GRIA2: variants seen among roughly 807,000 people sequenced by gnomAD.
The protein encoded by GRIA2 is glutamate ionotropic receptor AMPA type subunit 2.
Under a neutral mutation model 97.3 loss-of-function variants are expected in GRIA2, and 14 were observed. The observed-to-expected ratio is 0.14, with a 90% CI of 0.10 to 0.23. GRIA2 has a LOEUF of 0.23. Ranked by LOEUF, GRIA2 falls within the 10% of genes least tolerant of loss-of-function variation. The probability of loss-of-function intolerance (pLI) is 1.00; values close to 1 mark genes in which losing one functional copy is unlikely to be tolerated. For missense variants in GRIA2, 558 were observed against 1,069.8 expected, an observed-to-expected ratio of 0.52 and a Z score of 6.67; for synonymous variants, 412 against 387.8, an observed-to-expected ratio of 1.06 and a Z score of -0.73.
intron 9 of GRIA2, 187 bp from the exon 10 acceptor site, chr4:157,335,484 G>A: frequency 1.7e-6 from 1 of 583,086 alleles, no homozygotes; most frequent in Non-Finnish European, 3.1e-6. Context: ...TATAGTGATA[G>A]ACATTCCGAG....
At chr4:157,359,186 T>C (rs1246396662) in intron 12 of GRIA2, among the ~76,000 whole-genome samples, 1 of 152,188 alleles carries the variant, frequency 6.6e-6, no homozygotes. Flanking sequence ...AGATAAATAT[T>C]CCTTTAATAA....
chr4:157,245,943 C>G (rs765916736), intron 2 of GRIA2, among the ~76,000 whole-genome samples: 1 of 152,042 alleles, frequency 6.6e-6, no homozygotes, highest in South Asian at 2.1e-4. Flanking sequence ...TCACAGAACA[C>G]GAATGTTTCC....
intron 3 of GRIA2, among the ~76,000 whole-genome samples, chr4:157,306,978 T>A (rs1179177523): frequency 6.6e-6 from 1 of 152,182 alleles, no homozygotes; most frequent in Non-Finnish European, 1.5e-5. Context: ...GATCTCTACA[T>A]GCCTCAGTTT....
chr4:157,313,667 A>G (rs977415433), intron 4 of GRIA2, among the ~76,000 whole-genome samples: 1 of 152,086 alleles, frequency 6.6e-6, no homozygotes, highest in African/African-American at 2.4e-5. Flanking sequence ...GATTGATTGA[A>G]TAAGGTCTCC....
At chr4:157,241,114 G>C (rs1363581211) in intron 2 of GRIA2, among the ~76,000 whole-genome samples, 1 of 152,074 alleles carries the variant, frequency 6.6e-6, no homozygotes, top group Non-Finnish European at 1.5e-5. Flanking sequence ...CTAAGAACGG[G>C]TATTTTGGTG....
intron 2 of GRIA2, among the ~76,000 whole-genome samples, chr4:157,257,305 G>A (rs1262668187): frequency 6.6e-6 from 1 of 151,822 alleles, no homozygotes; most frequent in South Asian, 2.1e-4. Context: ...ATATTTAATC[G>A]CCCTCTGAGG....
At chr4:157,312,951 G>C (rs1165485085) in intron 4 of GRIA2, 76 bp downstream of exon 4, 1 of 856,096 alleles carries the variant, frequency 1.2e-6, no homozygotes, top group Admixed American at 2.6e-5. Context: ...ATGTGTATTT[G>C]TGTAAGGTGC....
intron 12 of GRIA2, among the ~76,000 whole-genome samples, chr4:157,347,194 A>G (rs1391221904): frequency 6.6e-6 from 1 of 152,204 alleles, no homozygotes; most frequent in Admixed American, 6.5e-5. Flanking sequence ...TTGGTGATCC[A>G]ATGCTAAGGA....
chr4:157,322,410 C>A (rs1030670851), intron 6 of GRIA2, among the ~76,000 whole-genome samples: 3 of 152,082 alleles, frequency 2.0e-5, no homozygotes, highest in Non-Finnish European at 4.4e-5. Flanking sequence ...AATTCTTGAA[C>A]GCTAAATATT....
rs1264526926 is a variant in GRIA2, at chr4:157,362,964, T to A, written c.2572T>A (p.Ser858Thr). 6.2e-7 allele frequency: 1 copy of A among 1,613,522 alleles called. No homozygotes were observed. The highest frequency in any genetic ancestry group is 8.5e-7 in the Non-Finnish European group (1 of 1,179,592). The stretch of plus-strand genomic sequence containing the variant: ...AAAGAATGCACAGAATATTAACCCA[T>A]CTTCCTCGCAGAATTCACAGAATTT... Reference protein sequence around the residue: ...VAKNAQNINPSSSQNSQNFAT... With the variant: ...VAKNAQNINPTSSQNSQNFAT... The change falls in exon 15 of 16, where the codon TCT becomes ACT. Residue 858 changes from serine to threonine, a missense_variant. Around this residue, in one of 8 missense-constraint regions of GRIA2, gnomAD observed 54 missense variants for 82.1 expected, o/e 0.66. Coordinates refer to ENST00000264426, the MANE Select transcript of GRIA2 (RefSeq NM_001083619.3).
At chr4:157,272,371 C>G (rs533840820) in intron 2 of GRIA2, among the ~76,000 whole-genome samples, 2 of 152,080 alleles carry the variant, frequency 1.3e-5, no homozygotes, top group African/African-American at 4.8e-5. Context: ...ACCCCTAAAA[C>G]TGGAGAGACA....
chr4:157,327,244 G>A (rs1375053784), intron 6 of GRIA2, among the ~76,000 whole-genome samples: 1 of 152,024 alleles, frequency 6.6e-6, no homozygotes, highest in African/African-American at 2.4e-5. Flanking sequence ...ATAGATATTT[G>A]TAGGGATGAA....
At chr4:157,289,213 A>G (rs536057979) in intron 2 of GRIA2, among the ~76,000 whole-genome samples, 37 of 152,046 alleles carry the variant, frequency 2.4e-4, no homozygotes, top group African/African-American at 8.2e-4. Flanking sequence ...ACTAATTTCA[A>G]TATGTCCCTT....
intron 13 of GRIA2, 48 bp from the exon 14 acceptor site, chr4:157,360,962 T>C: frequency 7.5e-7 from 1 of 1,325,896 alleles, no homozygotes; most frequent in Non-Finnish European, 1.1e-6. Context: ...AAACAAAAAG[T>C]CTAAAATTTG....
intron 2 of GRIA2, among the ~76,000 whole-genome samples, chr4:157,271,799 C>G (rs1732037673): frequency 6.6e-6 from 1 of 152,064 alleles, no homozygotes; most frequent in Non-Finnish European, 1.5e-5. Flanking sequence ...GGGTTGCCAG[C>G]TATCTGTCAA....
At chr4:157,342,524 T>G in intron 12 of GRIA2, 1 of 801,230 alleles carries the variant, frequency 1.2e-6, no homozygotes, top group African/African-American at 1.9e-5. Context: ...CTTTTTTTAC[T>G]TTAATGCAGA....
chr4:157,336,949 C>T (rs1201238665), intron 11 of GRIA2, among the ~76,000 whole-genome samples: 1 of 152,062 alleles, frequency 6.6e-6, no homozygotes, highest in Non-Finnish European at 1.5e-5. Flanking sequence ...TCATCTATTT[C>T]TCTGGTGAAA....
chr4:157,236,571 A>G (rs1315027298), intron 2 of GRIA2, among the ~76,000 whole-genome samples: 1 of 152,010 alleles, frequency 6.6e-6, no homozygotes, highest in East Asian at 1.9e-4. Context: ...GTTTGCTATG[A>G]GTGGAATAAC....
At chr4:157,347,862 A>C (rs1052184104) in intron 12 of GRIA2, among the ~76,000 whole-genome samples, 2 of 152,236 alleles carry the variant, frequency 1.3e-5, no homozygotes, top group African/African-American at 4.8e-5. Flanking sequence ...TTGATGGCTC[A>C]TGCCTGTAAT....
Sources: allele counts gnomAD v4.1 joint callset (sites outside exome capture counted in the v4.1 genomes callset), GRCh38; gene constraint gnomAD v4.1.1; regional missense constraint gnomAD v4.1.1; transcripts MANE v1.5; gene names NCBI Gene and HGNC (gene_info 2026-07-23, HGNC 2026-07-21).